ATP9A: variants seen among roughly 807,000 people sequenced by gnomAD.
ATP9A encodes ATPase phospholipid transporting 9A, also known as probable phospholipid-transporting ATPase IIA.
Under a neutral mutation model 144.1 loss-of-function variants are expected in ATP9A, and 52 were observed. The observed-to-expected ratio is 0.36, with a 90% CI of 0.29 to 0.45. ATP9A has a LOEUF of 0.45. ATP9A is among the 20% of genes least tolerant of loss of function. The probability of loss-of-function intolerance (pLI) is 1.00; values close to 1 mark genes in which losing one functional copy is unlikely to be tolerated. For synonymous variants in ATP9A, 582 were observed against 557.4 expected (o/e 1.04, Z -0.62); for missense variants, 947 against 1,392.7 (o/e 0.68, Z 5.09).
At chr20:51,626,316 G>A (rs148089697) in intron 17 of ATP9A, among the ~76,000 whole-genome samples, 37 of 149,710 alleles carry the variant, frequency 2.5e-4, no homozygotes, top group African/African-American at 8.1e-4. Context: ...TGGCAAAACC[G>A]TGTCTCTACT....
chr20:51,716,867 T>C (rs1471031157), intron 3 of ATP9A, among the ~76,000 whole-genome samples: 1 of 152,140 alleles, frequency 6.6e-6, no homozygotes, highest in Non-Finnish European at 1.5e-5. Flanking sequence ...AAAGTAGCCT[T>C]GGTTCAAATT....
At chr20:51,768,271 C>A (rs1385123172) in intron 1 of ATP9A, 31 bp downstream of exon 1, 4 of 1,241,362 alleles carry the variant, frequency 3.2e-6, no homozygotes, top group Non-Finnish European at 4.1e-6. Flanking sequence ...GAGGCGCGGA[C>A]AAAGGAAAAC....
chr20:51,635,559 G>A (rs2077287173), intron 15 of ATP9A, among the ~76,000 whole-genome samples: 1 of 151,904 alleles, frequency 6.6e-6, no homozygotes, highest in Non-Finnish European at 1.5e-5. Flanking sequence ...GCAATATGGT[G>A]AGACCCTATC....
chr20:51,608,750 C>T (rs2077173609), intron 24 of ATP9A, 124 bp from the exon 25 acceptor site: 2 of 669,932 alleles, frequency 3.0e-6, no homozygotes, highest in Non-Finnish European at 5.4e-6. Flanking sequence ...GTCTATTATG[C>T]TCCGGGGCTG....
Position 51,725,888 on chromosome 20 carries a change from T to C in ATP9A, c.258A>G (p.Leu86=), listed in dbSNP as rs763793706. The C allele has an allele frequency of 6.2e-7, 1 of 1,613,668 alleles. No individual in the cohort carries two copies. The highest frequency in any genetic ancestry group is 8.5e-7 in the Non-Finnish European group (1 of 1,179,700). ...GAACAAACTGAGAGCAGGCAAGAAG[T>C]AAGAAATAGAGGTTGAAAAAGTATT... ...QFKYFFNLYF[L]LLACSQFVPE... The change falls in exon 3 of 28, where the codon TTA becomes TTG. Residue 86 remains leucine, a synonymous_variant. Coordinates refer to ENST00000338821, the MANE Select transcript of ATP9A (RefSeq NM_006045.3).
intron 14 of ATP9A, among the ~76,000 whole-genome samples, chr20:51,655,417 A>T (rs1218865525): frequency 1.3e-5 from 2 of 152,224 alleles, no homozygotes; most frequent in Non-Finnish European, 2.9e-5. Flanking sequence ...AAAAACAAAC[A>T]AACAACACCT....
chr20:51,748,647 C>T (rs1355665849), intron 1 of ATP9A, among the ~76,000 whole-genome samples: 4 of 152,174 alleles, frequency 2.6e-5, no homozygotes, highest in African/African-American at 9.7e-5. Flanking sequence ...GATGGCATCA[C>T]CTCAGGGAGG....
In ATP9A at chr20:51,657,122, C is replaced by A; in HGVS notation, c.1322G>T (p.Gly441Val). ...CCGGACCTTAGTGGTGAGCGTTGGGCCCTTCTGAGCCGGTGGGTCCTGGGA... is the reference window on the plus strand; with the variant it reads ...CCGGACCTTAGTGGTGAGCGTTGGGACCTTCTGAGCCGGTGGGTCCTGGGA... Reference protein sequence around the residue: ...QQSQDPPAQKGPTLTTKVRRT... With the variant: ...QQSQDPPAQKVPTLTTKVRRT... Residue 441 changes from glycine to valine, a missense_variant, in exon 14 of 28, where the codon GGC (glycine) becomes GTC (valine). Coordinates refer to ENST00000338821, the MANE Select transcript of ATP9A (RefSeq NM_006045.3). 6.2e-7 allele frequency: 1 copy of A among 1,614,062 alleles called. No individual in the cohort carries two copies.
At chr20:51,703,684 T>C (rs1040498829) in intron 4 of ATP9A, among the ~76,000 whole-genome samples, 1 of 152,224 alleles carries the variant, frequency 6.6e-6, no homozygotes, top group Non-Finnish European at 1.5e-5. Context: ...AGAAACCAGA[T>C]GTTTCCCTTG....
chr20:51,752,840 T>C (rs1227863455), intron 1 of ATP9A, among the ~76,000 whole-genome samples: 1 of 152,182 alleles, frequency 6.6e-6, no homozygotes, highest in Non-Finnish European at 1.5e-5. Flanking sequence ...CAGTGTCTCA[T>C]GCCTATAATC....
At chr20:51,651,211 T>C (rs1355725768) in intron 14 of ATP9A, among the ~76,000 whole-genome samples, 3 of 143,644 alleles carry the variant, frequency 2.1e-5, no homozygotes, top group African/African-American at 7.6e-5. Flanking sequence ...ATTTATATAT[T>C]ATGTCAATAT....
chr20:51,688,058 G>A (rs1387621634), intron 9 of ATP9A, among the ~76,000 whole-genome samples: 1 of 152,190 alleles, frequency 6.6e-6, no homozygotes, highest in Non-Finnish European at 1.5e-5. Context: ...CCTGCTGTGT[G>A]ACCTCAGAGC....
chr20:51,735,359 C>T (rs931060781), intron 1 of ATP9A, among the ~76,000 whole-genome samples: 7 of 151,674 alleles, frequency 4.6e-5, no homozygotes, highest in Admixed American at 6.6e-5. Flanking sequence ...ATCTCCACGA[C>T]GAGCTAATAA....
At chr20:51,615,491 A>T (rs940570877) in intron 22 of ATP9A, among the ~76,000 whole-genome samples, 3 of 152,192 alleles carry the variant, frequency 2.0e-5, no homozygotes, top group Non-Finnish European at 4.4e-5. Context: ...ATATATATAC[A>T]TGTGTAAGAT....
intron 1 of ATP9A, among the ~76,000 whole-genome samples, chr20:51,757,913 A>G (rs992547760): frequency 6.6e-6 from 1 of 152,134 alleles, no homozygotes; most frequent in Admixed American, 6.6e-5. Flanking sequence ...AAAAAAAAAA[A>G]AGGTTTTAAA....
At chr20:51,719,747 G>C (rs60163215) in intron 3 of ATP9A, among the ~76,000 whole-genome samples, 8 of 70,176 alleles carry the variant, frequency 1.1e-4, no homozygotes, top group African/African-American at 4.1e-4. Flanking sequence ...AAAAAAAAAG[G>C]GGGGGGAAGA....
At position 51,613,843 on chromosome 20, in the gene ATP9A, A is replaced by G. The variant is rs2077193256; in HGVS notation, c.2416-11T>C. The G allele has an allele frequency of 6.2e-7, 1 of 1,606,292 alleles. No homozygotes were observed. Among genetic ancestry groups the G allele is most frequent in the Non-Finnish European group, 8.5e-7 (1 of 1,176,930 alleles). On this transcript the variant is annotated splice_polypyrimidine_tract_variant and intron_variant, in intron 22 of 27. Transcript: ENST00000338821. Reference sequence around the variant, plus strand: ...AGCCTGTTTTCCTTCCTAAAATCCAATAAAATTAGGCACCATCAGAAGCAC... The same window carrying G: ...AGCCTGTTTTCCTTCCTAAAATCCAGTAAAATTAGGCACCATCAGAAGCAC...
intron 14 of ATP9A, among the ~76,000 whole-genome samples, chr20:51,648,797 A>G (rs1218747170): frequency 2.0e-5 from 3 of 152,176 alleles, no homozygotes; most frequent in Non-Finnish European, 4.4e-5. Flanking sequence ...GCACCACTGT[A>G]TTCCAGCCTG....
intron 3 of ATP9A, among the ~76,000 whole-genome samples, chr20:51,722,238 T>C (rs1176637138): frequency 6.6e-6 from 1 of 152,198 alleles, no homozygotes; most frequent in African/African-American, 2.4e-5. Flanking sequence ...CTATAAAAGT[T>C]CTAGAAGGTA....
Sources: allele counts gnomAD v4.1 joint callset (sites outside exome capture counted in the v4.1 genomes callset), GRCh38; gene constraint gnomAD v4.1.1; transcripts MANE v1.5; gene names NCBI Gene and HGNC (gene_info 2026-07-23, HGNC 2026-07-21).